TTC28: variants seen among roughly 807,000 people sequenced by gnomAD.
TTC28 encodes the protein tetratricopeptide repeat protein 28.
In TTC28, 61 loss-of-function variants were observed where a neutral mutation model predicts 198.0. The observed-to-expected ratio is 0.31, with a 90% confidence interval of 0.25 to 0.38. The LOEUF (loss-of-function observed/expected upper bound fraction) is 0.38, where lower values mean the gene tolerates loss of function less well. Ranked by LOEUF, TTC28 falls within the 10% of genes least tolerant of loss-of-function variation. TTC28 has a pLI of 1.00. For missense variants in TTC28, 2,678 were observed against 3,164.0 expected (o/e 0.85, Z 3.69); for synonymous variants, 1,171 against 1,297.8 (o/e 0.90, Z 2.10).
intron 2 of TTC28, among the ~76,000 whole-genome samples, chr22:28,541,551 T>C (rs1601541210): frequency 6.6e-6 from 1 of 152,106 alleles, no homozygotes. Flanking sequence ...ACATCAACAA[T>C]GTCCACAATT....
chr22:28,238,675 G>A (rs1361222373), intron 5 of TTC28, among the ~76,000 whole-genome samples: 1 of 152,000 alleles, frequency 6.6e-6, no homozygotes, highest in Non-Finnish European at 1.5e-5. Context: ...AAATGTCCTG[G>A]GTGTTCAACA....
At chr22:28,118,529 T>C (rs964441354) in intron 6 of TTC28, among the ~76,000 whole-genome samples, 1 of 152,244 alleles carries the variant, frequency 6.6e-6, no homozygotes, top group Non-Finnish European at 1.5e-5. Context: ...TATGTTTAGA[T>C]ACACAAATAT....
intron 2 of TTC28, among the ~76,000 whole-genome samples, chr22:28,608,706 C>A (rs770706424): frequency 5.9e-5 from 9 of 152,068 alleles, no homozygotes; most frequent in Non-Finnish European, 1.3e-4. Context: ...TTGTAATCTA[C>A]CAGAGTGCTG....
intron 2 of TTC28, among the ~76,000 whole-genome samples, chr22:28,523,836 CA>C (rs1264835334): frequency 6.6e-6 from 1 of 152,112 alleles, no homozygotes; most frequent in Admixed American, 6.6e-5. Context: ...ATAGCAGTGG[CA>C]ATAATAATAC....
At chr22:28,464,682 C>T (rs916302927) in intron 2 of TTC28, among the ~76,000 whole-genome samples, 2 of 152,164 alleles carry the variant, frequency 1.3e-5, no homozygotes, top group Non-Finnish European at 2.9e-5. Context: ...TCCTCTTTCT[C>T]GCTCAGTATC....
chr22:28,324,786 C>T (rs1366553094), intron 2 of TTC28, among the ~76,000 whole-genome samples: 2 of 152,148 alleles, frequency 1.3e-5, no homozygotes, highest in African/African-American at 4.8e-5. Flanking sequence ...CAATATCATA[C>T]TGAATGGGCA....
chr22:28,017,767 T>C (rs1442399286), intron 13 of TTC28, among the ~76,000 whole-genome samples: 1 of 152,164 alleles, frequency 6.6e-6, no homozygotes, highest in Non-Finnish European at 1.5e-5. Context: ...GGCTACCAGT[T>C]GTTTCCTAGG....
rs373958053 is a variant in TTC28 at position 28,655,396 on chromosome 22, C to T, written c.102+24226G>A. ...TAGGAAACTGTACTATTAAATAAGA[C>T]AAGATTTTTAAAAATAGTCCTGTGT... On this transcript the variant is annotated intron_variant, in intron 1 of 22. Coordinates refer to ENST00000397906, the MANE Select transcript of TTC28 (RefSeq NM_001145418.2). Among the ~76,000 whole-genome samples, 475 of 152,244 alleles carry T rather than the reference C, an allele frequency of 3.1e-3. 1 individual carries two copies. Among genetic ancestry groups the T allele is most frequent in the Non-Finnish European group, 4.4e-3 (302 of 68,008 alleles).
chr22:28,363,363 T>C (rs1402790458), intron 2 of TTC28, among the ~76,000 whole-genome samples: 2 of 152,050 alleles, frequency 1.3e-5, no homozygotes, highest in Non-Finnish European at 2.9e-5. Context: ...AGAATTGAGG[T>C]TTGGGAACCT....
chr22:28,059,250 CCTT>C (rs1039468689), intron 12 of TTC28, among the ~76,000 whole-genome samples: 67 of 152,006 alleles, frequency 4.4e-4, no homozygotes, highest in African/African-American at 1.6e-3. Context: ...CTATAAATTT[CCTT>C]CTATCTATGC....
chr22:28,479,082 A>C (rs1356100947), intron 2 of TTC28, among the ~76,000 whole-genome samples: 1 of 152,250 alleles, frequency 6.6e-6, no homozygotes, highest in Non-Finnish European at 1.5e-5. Flanking sequence ...AAGAACAAAA[A>C]AAAAATCAAG....
At chr22:28,386,842 TTTAAG>T (rs563482807) in intron 2 of TTC28, among the ~76,000 whole-genome samples, 51 of 152,232 alleles carry the variant, frequency 3.4e-4, no homozygotes, top group Non-Finnish European at 6.5e-4. Context: ...TTTGTTTTGT[TTTAAG>T]TTATTATTAT....
At chr22:28,393,131 C>A (rs1033288286) in intron 2 of TTC28, among the ~76,000 whole-genome samples, 1 of 152,040 alleles carries the variant, frequency 6.6e-6, no homozygotes, top group Non-Finnish European at 1.5e-5. Context: ...AATCCTCCGA[C>A]CTTGGCCTCT....
chr22:28,397,579 G>C (rs1000682253), intron 2 of TTC28, among the ~76,000 whole-genome samples: 1 of 152,178 alleles, frequency 6.6e-6, no homozygotes, highest in African/African-American at 2.4e-5. Context: ...GCTTCTGATA[G>C]ACATCAAGAC....
In TTC28 at chr22:28,399,242, C is replaced by T. The variant is rs151238260; in HGVS notation, c.382-92599G>A. On this transcript the variant is annotated intron_variant, in intron 2 of 22. Transcript: ENST00000397906. ...TATCTCTGTAAAATTTAAATCCCTG[C>T]CTGTATACTCCAGCTACCCAGCTCA... is the stretch of plus-strand genomic sequence containing the variant. Among the ~76,000 whole-genome samples, 528 of 151,924 alleles carry T rather than the reference C, an allele frequency of 3.5e-3. 3 individuals carry two copies. The highest frequency in any genetic ancestry group is 0.012 in the African/African-American group (512 of 41,446).
At chr22:28,591,036 C>A (rs1194907015) in intron 2 of TTC28, among the ~76,000 whole-genome samples, 1 of 29,300 alleles carries the variant, frequency 3.4e-5, no homozygotes, top group Admixed American at 5.0e-4. Context: ...CACACACACA[C>A]ACACATATAT....
intron 2 of TTC28, among the ~76,000 whole-genome samples, chr22:28,532,221 G>C (rs1177335332): frequency 6.6e-6 from 1 of 151,660 alleles, no homozygotes; most frequent in African/African-American, 2.4e-5. Flanking sequence ...ATGATAAAGG[G>C]GATACCACCA....
At chr22:28,605,160 C>G (rs2050709434) in intron 2 of TTC28, among the ~76,000 whole-genome samples, 2 of 152,144 alleles carry the variant, frequency 1.3e-5, no homozygotes, top group African/African-American at 4.8e-5. Context: ...GACACAGCAT[C>G]CATCTTAAAG....
intron 2 of TTC28, among the ~76,000 whole-genome samples, chr22:28,359,728 G>A (rs2046130242): frequency 6.6e-6 from 1 of 152,126 alleles, no homozygotes; most frequent in African/African-American, 2.4e-5. Flanking sequence ...AAGAGAAGCT[G>A]TGTTTATAGA....
Sources: allele counts gnomAD v4.1 joint callset (sites outside exome capture counted in the v4.1 genomes callset), GRCh38; gene constraint gnomAD v4.1.1; transcripts MANE v1.5; gene names NCBI Gene and HGNC (gene_info 2026-07-23, HGNC 2026-07-21).